CAMK1G: variants seen among roughly 807,000 people sequenced by gnomAD.
The protein encoded by CAMK1G is calcium/calmodulin-dependent protein kinase type 1G.
Under a neutral mutation model 54.8 loss-of-function variants are expected in CAMK1G, and 27 were observed. The ratio of observed to expected loss-of-function variants is 0.49; its 90% CI spans 0.36 to 0.68. The LOEUF is 0.68. Ranked by LOEUF, CAMK1G falls within the 30% of genes least tolerant of loss-of-function variation. The pLI is 0.00. For missense variants in CAMK1G, 512 were observed against 591.0 expected (o/e 0.87, Z 1.39); for synonymous variants, 238 against 224.9 (o/e 1.06, Z -0.52).
chr1:209,598,897 A>G (rs1017206684), intron 2 of CAMK1G, among the ~76,000 whole-genome samples: 7 of 152,228 alleles, frequency 4.6e-5, no homozygotes, highest in Admixed American at 1.3e-4. Context: ...TGATCCCAGG[A>G]GTTCAAGACC....
intron 11 of CAMK1G, 83 bp from the exon 12 acceptor site, chr1:209,612,702 C>G (rs902930766): frequency 8.8e-7 from 1 of 1,138,644 alleles, no homozygotes; most frequent in Admixed American, 1.7e-5. Context: ...GCCACAGGCA[C>G]AGAGAACTAC....
At chr1:209,588,458 C>T (rs1346850375) in intron 1 of CAMK1G, among the ~76,000 whole-genome samples, 1 of 152,098 alleles carries the variant, frequency 6.6e-6, no homozygotes, top group Admixed American at 6.6e-5. Flanking sequence ...TCCTAAGACT[C>T]TGGATCACCT....
intron 9 of CAMK1G, among the ~76,000 whole-genome samples, chr1:209,610,743 T>A (rs567857661): frequency 1.3e-5 from 2 of 152,272 alleles, no homozygotes; most frequent in African/African-American, 4.8e-5. Flanking sequence ...CGGCTTACCA[T>A]GTATTACTGC....
intron 7 of CAMK1G, 139 bp downstream of exon 7, chr1:209,608,072 TACACAC>T (rs35151738): frequency 0.027 from 14,580 of 535,626 alleles, no homozygotes; most frequent in East Asian, 0.11. Flanking sequence ...GGCACACGGG[TACACAC>T]ACACACACAC....
chr1:209,601,310 TG>T (rs1665519716), intron 3 of CAMK1G, among the ~76,000 whole-genome samples: 1 of 152,176 alleles, frequency 6.6e-6, no homozygotes, highest in Non-Finnish European at 1.5e-5. Flanking sequence ...GAGAAGTGAT[TG>T]GGTTTGGGGT....
intron 1 of CAMK1G, among the ~76,000 whole-genome samples, chr1:209,585,373 T>C (rs1665070078): frequency 6.6e-6 from 1 of 152,164 alleles, no homozygotes; most frequent in African/African-American, 2.4e-5. Context: ...CATTACAGCA[T>C]CATAAGGATG....
intron 8 of CAMK1G, 28 bp downstream of exon 8, chr1:209,609,120 T>C (rs1439300675): frequency 1.1e-5 from 18 of 1,613,798 alleles, no homozygotes; most frequent in Non-Finnish European, 1.4e-5. Context: ...GAAGGAGAGA[T>C]AACAGGCTCA....
chr1:209,605,395 T>TC, intron 4 of CAMK1G, 141 bp from the exon 5 acceptor site: 3 of 937,764 alleles, frequency 3.2e-6, no homozygotes, highest in Admixed American at 2.3e-5. Flanking sequence ...TGGAGTAGTC[T>TC]GCTGGCAGCC....
chr1:209,583,843 G>A (rs996733413), intron 1 of CAMK1G, 71 bp downstream of exon 1: 2 of 152,188 alleles, frequency 1.3e-5, no homozygotes, highest in Non-Finnish European at 2.9e-5. Context: ...GCAGCACCTA[G>A]TGAGTGGATT....
chr1:209,613,017 C>A, intron 12 of CAMK1G, 23 bp from the exon 13 acceptor site: 2 of 616,754 alleles, frequency 3.2e-6, no homozygotes, highest in East Asian at 2.8e-5. Flanking sequence ...CCCCTCCTCA[C>A]TCTGAGCCCC....
intron 2 of CAMK1G, among the ~76,000 whole-genome samples, chr1:209,597,130 G>T (rs1665409698): frequency 6.6e-6 from 1 of 152,224 alleles, no homozygotes. Flanking sequence ...AGTTACCACA[G>T]TGGGGCATGG....
At chr1:209,600,205 C>A in intron 3 of CAMK1G, 94 bp downstream of exon 3, 1 of 1,445,230 alleles carries the variant, frequency 6.9e-7, no homozygotes, top group Admixed American at 2.0e-5. Flanking sequence ...GATTTCTGCA[C>A]CCAAAGGCAT....
chr1:209,596,661 C>CCACACACACACACACA, intron 2 of CAMK1G, among the ~76,000 whole-genome samples: 1 of 148,208 alleles, frequency 6.7e-6, no homozygotes, highest in East Asian at 2.0e-4. Flanking sequence ...CACACACACA[C>CCACACACACACACACA]CACACACACA....
chr1:209,613,277 C>G lies in CAMK1G; in HGVS notation c.*275C>G, dbSNP rs1665832493. On this transcript the variant is annotated 3_prime_UTR_variant, in exon 13 of 13. Transcript: ENST00000361322. ...CAGCTTCCAGGTCTCCCTGACCTGC[C>G]TGCTCTATGCCCCACACCCTACGTG... is the stretch of plus-strand genomic sequence containing the variant. 4.5e-6 allele frequency: 1 copy of G among 223,480 alleles called. No homozygotes were observed. Among genetic ancestry groups the G allele is most frequent in the Admixed American group, 5.0e-5 (1 of 19,934 alleles). 13.8% of individuals were successfully genotyped at this position (223,480 alleles called of 1,614,324 possible). A position where few individuals can be genotyped will look rare whatever the true frequency, so the allele number is the denominator to read the frequency against.
At chr1:209,609,783 C>CGGAAGT in intron 8 of CAMK1G, 68 bp from the exon 9 acceptor site, 1 of 1,492,550 alleles carries the variant, frequency 6.7e-7, no homozygotes, top group Middle Eastern at 1.7e-4. Flanking sequence ...CCCACCAGCC[C>CGGAAGT]GGAAGTGAAT....
Position 209,594,950 on chromosome 1 carries a change from T to A in CAMK1G, c.-29-5T>A, listed in dbSNP as rs370394809. On this transcript the variant is annotated splice_region_variant and splice_polypyrimidine_tract_variant and intron_variant, in intron 1 of 12. Transcript: ENST00000361322. ...CTCCTCCTTCTCCCACTCCCTGCAA[T>A]AAAGCATCCTCAGAAGCTTCAACTC... The A allele has an allele frequency of 1.3e-6, 2 of 1,594,134 alleles. No individual in the cohort carries two copies. Among genetic ancestry groups the A allele is most frequent in the African/African-American group, 2.7e-5 (2 of 74,328 alleles).
intron 1 of CAMK1G, among the ~76,000 whole-genome samples, chr1:209,585,856 A>G (rs1368534101): frequency 6.6e-6 from 1 of 152,236 alleles, no homozygotes; most frequent in Non-Finnish European, 1.5e-5. Context: ...AGCATGAATG[A>G]GGGGAGCGGC....
In CAMK1G at chr1:209,609,081, T is replaced by C. The variant is rs760294215; in HGVS notation, c.737T>C (p.Ile246Thr). The C allele has an allele frequency of 3.7e-6, 6 of 1,614,118 alleles. No homozygotes were observed. The South Asian group carries it at 5.5e-5, about 15-fold the overall frequency. Reference protein sequence around the residue: ...YEFESPFWDDISESAKDFICH... With the variant: ...YEFESPFWDDTSESAKDFICH... ...TTTGAGTCTCCATTCTGGGATGACATTTCTGAGTCAGGTAAGGCCAGTAGG... is the reference window on the plus strand; with the variant it reads ...TTTGAGTCTCCATTCTGGGATGACACTTCTGAGTCAGGTAAGGCCAGTAGG... Residue 246 changes from isoleucine (I) to threonine (T), a missense_variant, in exon 8 of 13, where the codon ATT (isoleucine) becomes ACT (threonine). Coordinates refer to ENST00000361322, the MANE Select transcript of CAMK1G (RefSeq NM_020439.3).
At chr1:209,610,255 T>C (rs2102396163) in intron 9 of CAMK1G, among the ~76,000 whole-genome samples, 1 of 152,348 alleles carries the variant, frequency 6.6e-6, no homozygotes, top group African/African-American at 2.4e-5. Context: ...AACTCTGTCC[T>C]GTCCTTTAGA....
Sources: gnomAD v4.1 joint callset for allele counts (sites outside exome capture counted in the v4.1 genomes callset) on GRCh38, gnomAD v4.1.1 for gene constraint, MANE v1.5 for transcripts, NCBI Gene and HGNC (gene_info 2026-07-23, HGNC 2026-07-21) for gene names.